Variants in ARID5A observed in about 807,000 individuals in gnomAD.
The protein encoded by ARID5A is AT-rich interactive domain-containing protein 5A.
In ARID5A, 14 loss-of-function variants were observed where a neutral mutation model predicts 30.5. The observed-to-expected ratio is 0.46, with a 90% CI of 0.30 to 0.72. ARID5A has a LOEUF of 0.72. Ranked by LOEUF, ARID5A falls within the 30% of genes least tolerant of loss-of-function variation. ARID5A has a pLI of 0.07. For synonymous variants in ARID5A, 338 were observed against 340.4 expected (o/e 0.99, Z 0.08); for missense variants, 669 against 786.2 (o/e 0.85, Z 1.78).
chr2:96,537,910 C>T lies in ARID5A; in HGVS notation c.4+1080C>T. 1 of 985,508 alleles carries T rather than the reference C, an allele frequency of 1.0e-6. No homozygotes were observed. The highest frequency in any genetic ancestry group is 4.7e-5 in the South Asian group (1 of 21,284). 61.0% of individuals were successfully genotyped at this position (985,508 alleles called of 1,614,324 possible). A position where few individuals can be genotyped will look rare whatever the true frequency, so the allele number is the denominator to read the frequency against. On this transcript the variant is annotated intron_variant, in intron 1 of 6. Transcript: ENST00000357485. The surrounding 1 kb of genome is among the most constrained non-coding windows in gnomAD (Gnocchi z 4.8). ...GGCCAGTAAGGAGTGCTCCGCGGGC[C>T]CCAGGGGAGGACAACAGGTGCCTCT...
At chr2:96,538,172 C>T (rs1161753999) in intron 1 of ARID5A, 1 of 985,320 alleles carries the variant, frequency 1.0e-6, no homozygotes, top group African/African-American at 1.7e-5. Flanking sequence ...TCAACTGGCA[C>T]CTCTGAGCCT....
chr2:96,540,902 C>A (rs1267399922), intron 1 of ARID5A, among the ~76,000 whole-genome samples: 1 of 151,966 alleles, frequency 6.6e-6, no homozygotes, highest in African/African-American at 2.4e-5. Context: ...TGTGCCACCA[C>A]GCCCACTAAT....
Position 96,552,034 on chromosome 2 carries a change from C to T in ARID5A, c.1506C>T (p.Gly502=). The T allele has an allele frequency of 3.2e-6, 5 of 1,540,722 alleles. No homozygotes were observed. The highest frequency in any genetic ancestry group is 4.4e-6 in the Non-Finnish European group (5 of 1,143,938). Residue 502 remains glycine, a synonymous_variant, in exon 7 of 7, where the codon GGC becomes GGT. Coordinates refer to ENST00000357485, the MANE Select transcript of ARID5A (RefSeq NM_212481.3). ...LGPVPPEAYR[G]TMLHCPLNFT... The stretch of plus-strand genomic sequence containing the variant: ...CTGTGCCCCCAGAGGCCTACAGGGG[C>T]ACCATGCTGCACTGCCCGCTGAACT...
At position 96,550,549 on chromosome 2, in the gene ARID5A, G is replaced by A. The variant is rs1238636288; in HGVS notation, c.411-25G>A. 26 of 1,581,004 alleles carry A rather than the reference G, an allele frequency of 1.6e-5. No homozygotes were observed. The highest frequency in any genetic ancestry group is 2.1e-5 in the Non-Finnish European group (25 of 1,164,406). On this transcript the variant is annotated intron_variant, in intron 5 of 6. Transcript: ENST00000357485. The surrounding 1 kb of genome is among the most constrained non-coding windows in gnomAD (Gnocchi z 6.6). Reference sequence around the variant, plus strand: ...GGAGGGGATGGGCGCCGGCCTCCTGGGGGACATGCGTGGTTCCTCACCAGG... The same window carrying A: ...GGAGGGGATGGGCGCCGGCCTCCTGAGGGACATGCGTGGTTCCTCACCAGG...
intron 2 of ARID5A, among the ~76,000 whole-genome samples, chr2:96,548,563 C>T (rs2065969547): frequency 6.6e-6 from 1 of 152,210 alleles, no homozygotes; most frequent in Admixed American, 6.5e-5. Flanking sequence ...AGCCACCGTG[C>T]CCAGCTGGAT....
rs764217163 is a variant in ARID5A, at chr2:96,551,284, C to A, written c.756C>A (p.His252Gln). The A allele has an allele frequency of 1.9e-6, 3 of 1,613,880 alleles. No individual in the cohort carries two copies. Among genetic ancestry groups the A allele is most frequent in the South Asian group, 1.1e-5 (1 of 91,090 alleles). The change falls in exon 7 of 7, where the codon CAC becomes CAA. Residue 252 changes from histidine to glutamine, a missense_variant. By Grantham distance (24) the His-to-Gln change is conservative. Around this residue, in one of 4 missense-constraint regions of ARID5A, gnomAD observed 548 missense variants for 577.4 expected, o/e 0.95. Coordinates refer to ENST00000357485, the MANE Select transcript of ARID5A (RefSeq NM_212481.3). ...LLSSFYCKGT[H>Q]GIMSPLAKKK... is the part of the protein sequence containing the mutation. Reference sequence around the variant, plus strand: ...CCAGCTTCTACTGCAAGGGGACACACGGCATCATGTCACCACTGGCCAAAA... The same window carrying A: ...CCAGCTTCTACTGCAAGGGGACACAAGGCATCATGTCACCACTGGCCAAAA...
chr2:96,537,247 C>T lies in ARID5A; in HGVS notation c.4+417C>T, dbSNP rs1047401134. ...TTGTTGTGACAGCTGTCGGCAGCCG[C>T]CCCTCCGCCCCGTGACATCCCGCAG... On this transcript the variant is annotated intron_variant, in intron 1 of 6. Coordinates refer to ENST00000357485, the MANE Select transcript of ARID5A (RefSeq NM_212481.3). The surrounding 1 kb of genome is among the most constrained non-coding windows in gnomAD (Gnocchi z 4.8). 12 of 163,550 alleles carry T rather than the reference C, an allele frequency of 7.3e-5. No individual in the cohort carries two copies. The highest frequency in any genetic ancestry group is 1.2e-4 in the African/African-American group (5 of 41,932). The allele number at this position is 163,550 out of a possible 1,614,324, so 10.1% of individuals were successfully genotyped here.
At position 96,537,894 on chromosome 2, in the gene ARID5A, G is replaced by A. The variant is rs2065769892; in HGVS notation, c.4+1064G>A. The A allele has an allele frequency of 1.0e-6, 1 of 985,414 alleles. No individual in the cohort carries two copies. The highest frequency in any genetic ancestry group is 6.1e-5 in the Admixed American group (1 of 16,270). The allele number at this position is 985,414 out of a possible 1,614,324, so 61.0% of individuals were successfully genotyped here. On this transcript the variant is annotated intron_variant, in intron 1 of 6. Transcript: ENST00000357485. This position sits in a 1 kb window ranked among gnomAD's most constrained non-coding sequence, Gnocchi z 4.8. ...TGTTTGCAGAGTCTTGGGCCAGTAA[G>A]GAGTGCTCCGCGGGCCCCAGGGGAG...
chr2:96,547,032 A>G (rs2065940604), intron 1 of ARID5A, among the ~76,000 whole-genome samples: 1 of 152,124 alleles, frequency 6.6e-6, no homozygotes, highest in Non-Finnish European at 1.5e-5. Context: ...AGCAGAGGAA[A>G]GAAAAGGGAC....
chr2:96,551,216 G>C lies in ARID5A; in HGVS notation c.688G>C (p.Val230Leu). ...GGCCTCTGGGTCTTCTGTGTCCTTT[G>C]TGGGTGCCAGCGGCTGTCCTGAGGC... ...GLASGSSVSFVGASGCPEAYK... is the reference protein window; with the variant it reads ...GLASGSSVSFLGASGCPEAYK... The change falls in exon 7 of 7, where the codon GTG (valine) becomes CTG (leucine). Residue 230 changes from valine (V) to leucine (L), a missense_variant. This residue lies in a region of ARID5A where 548 missense variants were observed against 577.4 expected (regional missense o/e 0.95). Transcript: ENST00000357485. The C allele has an allele frequency of 6.2e-7, 1 of 1,614,002 alleles. No homozygotes were observed. Among genetic ancestry groups the C allele is most frequent in the Non-Finnish European group, 8.5e-7 (1 of 1,180,000 alleles).
Position 96,551,712 on chromosome 2 carries a change from G to A in ARID5A, c.1184G>A (p.Arg395His), listed in dbSNP as rs141553742. 38 of 1,519,188 alleles carry A rather than the reference G, an allele frequency of 2.5e-5. No individual in the cohort carries two copies. The Middle Eastern group carries it at 3.6e-3, about 142-fold the overall frequency. The allele number at this position is 1,519,188 out of a possible 1,614,324, so 94.1% of individuals were successfully genotyped here. A position where few individuals can be genotyped will look rare whatever the true frequency, so the allele number is the denominator to read the frequency against. The change falls in exon 7 of 7, where the codon CGC (arginine) becomes CAC (histidine). Residue 395 changes from arginine (R) to histidine (H), a missense_variant. Transcript: ENST00000357485. ...CTGGTGTGGGGCGGAGACGCTAACC[G>A]CCCTTCTGCGTTCCATAAAGGTGGC... ...PQLVWGGDAN[R>H]PSAFHKGGSR...
chr2:96,551,205 C>T lies in ARID5A; in HGVS notation c.677C>T (p.Ser226Phe). The T allele has an allele frequency of 1.2e-6, 2 of 1,614,056 alleles. No individual in the cohort carries two copies. The highest frequency in any genetic ancestry group is 2.2e-5 in the East Asian group (1 of 44,890). Residue 226 changes from serine to phenylalanine, a missense_variant, in exon 7 of 7, where the codon TCT (serine) becomes TTT (phenylalanine). Transcript: ENST00000357485. ...CAGCAGGGCCTGGCCTCTGGGTCTT[C>T]TGTGTCCTTTGTGGGTGCCAGCGGC... is the stretch of plus-strand genomic sequence containing the variant. The part of the protein sequence containing the change: ...TEQQGLASGS[S>F]VSFVGASGCP...
Position 96,550,498 on chromosome 2 carries a change from G to A in ARID5A, c.411-76G>A. ...TTCCTCGGCGCCGGCGGGGAAGGGG[G>A]CTCAGAGGAGGCTACAGAGGCCCAG... On this transcript the variant is annotated intron_variant, in intron 5 of 6. Transcript: ENST00000357485. The surrounding 1 kb of genome is among the most constrained non-coding windows in gnomAD (Gnocchi z 6.6). The A allele has an allele frequency of 6.0e-6, 9 of 1,498,712 alleles. No homozygotes were observed. The highest frequency in any genetic ancestry group is 2.2e-5 in the Admixed American group (1 of 45,020). The allele number at this position is 1,498,712 out of a possible 1,614,324, so 92.8% of individuals were successfully genotyped here.
chr2:96,550,045 A>T lies in ARID5A; in HGVS notation c.313-143A>T, dbSNP rs768160969. On this transcript the variant is annotated intron_variant, in intron 4 of 6. Transcript: ENST00000357485. This position sits in a 1 kb window ranked among gnomAD's most constrained non-coding sequence, Gnocchi z 6.6. ...GGCCAGCAGTCCATGGCCCTAGGAG[A>T]GAGAATCGGCTGGCCGCTGCTGGAG... 2.0e-5 allele frequency: 30 copies of T among 1,533,030 alleles called. No homozygotes were observed. In the South Asian group the frequency reaches 3.6e-4, roughly 18 times the overall value. 95.0% of individuals were successfully genotyped at this position (1,533,030 alleles called of 1,614,324 possible). A position where few individuals can be genotyped will look rare whatever the true frequency, so the allele number is the denominator to read the frequency against.
In ARID5A at chr2:96,537,716, C is replaced by T; in HGVS notation, c.4+886C>T. 1 of 317,328 alleles carries T rather than the reference C, an allele frequency of 3.2e-6. No individual in the cohort carries two copies. The highest frequency in any genetic ancestry group is 4.6e-6 in the Non-Finnish European group (1 of 219,270). The allele number at this position is 317,328 out of a possible 1,614,324, so 19.7% of individuals were successfully genotyped here. On this transcript the variant is annotated intron_variant, in intron 1 of 6. Coordinates refer to ENST00000357485, the MANE Select transcript of ARID5A (RefSeq NM_212481.3). This position sits in a 1 kb window ranked among gnomAD's most constrained non-coding sequence, Gnocchi z 4.8. ...CGCTCGGCGGGAGCTGCGGGCCAAC[C>T]CGGGCCCGCGCTCCGTCCCTCCGCG...
Position 96,551,926 on chromosome 2 carries a change from TAAG to T in ARID5A, c.1399_1401del (p.Lys467del). The T allele has an allele frequency of 2.0e-6, 3 of 1,524,624 alleles. No individual in the cohort carries two copies. The highest frequency in any genetic ancestry group is 2.6e-6 in the Non-Finnish European group (3 of 1,136,890). 94.4% of individuals were successfully genotyped at this position (1,524,624 alleles called of 1,614,324 possible). On this transcript the variant is annotated inframe_deletion, in exon 7 of 7. Transcript: ENST00000357485. ...GACTGCGGGCCGTGTCTCCCTTTCT[TAAG>T]GAGGCGGATGCCAAGAAGTGTGGGG... is the stretch of plus-strand genomic sequence containing the variant.
In ARID5A at chr2:96,537,967, A is replaced by G. The variant is rs1276672774; in HGVS notation, c.4+1137A>G. 1.0e-6 allele frequency: 1 copy of G among 985,530 alleles called. No homozygotes were observed. The highest frequency in any genetic ancestry group is 1.2e-6 in the Non-Finnish European group (1 of 830,012). 61.0% of individuals were successfully genotyped at this position (985,530 alleles called of 1,614,324 possible). On this transcript the variant is annotated intron_variant, in intron 1 of 6. Coordinates refer to ENST00000357485, the MANE Select transcript of ARID5A (RefSeq NM_212481.3). The surrounding 1 kb of genome is among the most constrained non-coding windows in gnomAD (Gnocchi z 4.8). Reference sequence around the variant, plus strand: ...ACCCGGGCTCCTCTGGTGGGAGCCCACACGCACGGTGGCGTCACTGCGCCT... The same window carrying G: ...ACCCGGGCTCCTCTGGTGGGAGCCCGCACGCACGGTGGCGTCACTGCGCCT...
chr2:96,542,795 C>T (rs2065868234), intron 1 of ARID5A, among the ~76,000 whole-genome samples: 1 of 152,020 alleles, frequency 6.6e-6, no homozygotes, highest in African/African-American at 2.4e-5. Context: ...GAGGGTCTGT[C>T]GATGCTGAGG....
chr2:96,538,989 G>A (rs541832307), intron 1 of ARID5A, among the ~76,000 whole-genome samples: 34 of 152,290 alleles, frequency 2.2e-4, no homozygotes, highest in African/African-American at 4.6e-4. Flanking sequence ...CTGGGCAACA[G>A]GGGTCTGTAA....
Sources: allele counts gnomAD v4.1 joint callset (sites outside exome capture counted in the v4.1 genomes callset), GRCh38; gene constraint gnomAD v4.1.1; regional missense constraint gnomAD v4.1.1; non-coding constraint Gnocchi (gnomAD v3.1); transcripts MANE v1.5; gene names NCBI Gene and HGNC (gene_info 2026-07-23, HGNC 2026-07-21).